Variants in STARD13 observed in about 807,000 individuals in gnomAD.
STARD13 encodes the protein stAR-related lipid transfer protein 13.
STARD13 carries 62 observed loss-of-function variants against 106.4 expected under a neutral mutation model. The observed-to-expected ratio is 0.58, with a 90% CI of 0.48 to 0.72. The LOEUF is 0.72. Among genes scored for constraint, STARD13 ranks in the 30% least tolerant of loss-of-function variants. STARD13 has a pLI of 0.00. For missense variants in STARD13, 1,387 were observed against 1,424.0 expected, an observed-to-expected ratio of 0.97 and a Z score of 0.42; for synonymous variants, 565 against 553.0, an observed-to-expected ratio of 1.02 and a Z score of -0.31.
chr13:33,634,152 A>G, the STARD13 span, among the ~76,000 whole-genome samples: 1 of 152,206 alleles, frequency 6.6e-6, no homozygotes, highest in Non-Finnish European at 1.5e-5. Context: ...CTCATAACAG[A>G]AAGGAAGATT....
intron 1 of STARD13, among the ~76,000 whole-genome samples, chr13:33,177,218 A>AT (rs1254185547): frequency 1.3e-5 from 2 of 152,232 alleles, no homozygotes; most frequent in South Asian, 2.1e-4. Context: ...GAATTCAGGT[A>AT]TAAAAAGATC....
At chr13:33,439,857 C>G in the STARD13 span, 4 of 385,890 alleles carry the variant, frequency 1.0e-5, no homozygotes, top group East Asian at 3.0e-4. Flanking sequence ...AAAATGCCAA[C>G]TGAGGCATGA....
At chr13:33,368,806 A>G in the STARD13 span, among the ~76,000 whole-genome samples, 13 of 152,114 alleles carry the variant, frequency 8.5e-5, 1 homozygote, top group Admixed American at 3.3e-4. Flanking sequence ...CCGGCCCACC[A>G]TTTGGTGTGT....
At chr13:33,562,742 A>G in the STARD13 span, among the ~76,000 whole-genome samples, 2 of 146,600 alleles carry the variant, frequency 1.4e-5, 1 homozygote, top group Non-Finnish European at 3.0e-5. Context: ...GATTAAAAAC[A>G]TTTTTACAAA....
At chr13:33,524,602 T>A in the STARD13 span, among the ~76,000 whole-genome samples, 1 of 152,024 alleles carries the variant, frequency 6.6e-6, no homozygotes, top group African/African-American at 2.4e-5. Flanking sequence ...ATAATGTAAG[T>A]TTATAAACTA....
At chr13:33,111,713 A>G (rs1268980061) in intron 10 of STARD13, 65 bp downstream of exon 10, 4 of 959,472 alleles carry the variant, frequency 4.2e-6, no homozygotes, top group African/African-American at 1.6e-5. Flanking sequence ...TGTAGCAACA[A>G]TCCCAAGCGT....
intron 1 of STARD13, among the ~76,000 whole-genome samples, chr13:33,227,018 G>A (rs945543035): frequency 2.0e-5 from 3 of 152,020 alleles, no homozygotes; most frequent in African/African-American, 7.2e-5. Flanking sequence ...ACCAGATTAA[G>A]AACCTCTGCC....
the STARD13 span, among the ~76,000 whole-genome samples, chr13:33,404,105 G>T: frequency 1.3e-5 from 2 of 152,166 alleles, no homozygotes; most frequent in African/African-American, 4.8e-5. Flanking sequence ...TTGGTTTTGC[G>T]TAGCTGAAAT....
the STARD13 span, among the ~76,000 whole-genome samples, chr13:33,628,979 T>C: frequency 4.6e-5 from 7 of 152,236 alleles, no homozygotes; most frequent in African/African-American, 1.7e-4. Context: ...GTTATGTGAT[T>C]ACGATTACTG....
intron 3 of STARD13, among the ~76,000 whole-genome samples, chr13:33,146,302 T>A (rs1330735784): frequency 6.6e-6 from 1 of 151,348 alleles, no homozygotes; most frequent in Non-Finnish European, 1.5e-5. Context: ...CCAGCCTGGG[T>A]GACAGAGTGA....
chr13:33,503,429 G>T, the STARD13 span, among the ~76,000 whole-genome samples: 2 of 152,082 alleles, frequency 1.3e-5, no homozygotes, highest in Non-Finnish European at 2.9e-5. Context: ...GCTAGCTTTT[G>T]AATGTGTTTA....
chr13:33,307,724 G>A (rs150202946), intron 1 of STARD13, among the ~76,000 whole-genome samples: 171 of 152,162 alleles, frequency 1.1e-3, no homozygotes, highest in Non-Finnish European at 1.3e-3. Context: ...TAATACCTAG[G>A]TGATGGGTTC....
At chr13:33,200,918 C>T (rs894336297) in intron 1 of STARD13, among the ~76,000 whole-genome samples, 3 of 151,776 alleles carry the variant, frequency 2.0e-5, no homozygotes, top group African/African-American at 4.8e-5. Context: ...CCCAGCTACT[C>T]GGGAGGCTGA....
chr13:33,438,264 G>A, the STARD13 span, among the ~76,000 whole-genome samples: 2,022 of 152,306 alleles, frequency 0.013, 46 homozygotes, highest in African/African-American at 0.046. Flanking sequence ...GCTCATTAGT[G>A]TAAATCCCTT....
chr13:33,395,453 G>A, the STARD13 span, among the ~76,000 whole-genome samples: 10 of 152,016 alleles, frequency 6.6e-5, no homozygotes, highest in South Asian at 2.1e-4. Flanking sequence ...AAACGCAAGC[G>A]TTTAAATGAT....
chr13:33,520,803 A>G, the STARD13 span, among the ~76,000 whole-genome samples: 1 of 152,094 alleles, frequency 6.6e-6, no homozygotes. Context: ...GAGATCCCCC[A>G]TGCCCCCACC....
intron 4 of STARD13, among the ~76,000 whole-genome samples, chr13:33,141,636 C>G (rs1879844793): frequency 6.6e-6 from 1 of 151,954 alleles, no homozygotes; most frequent in African/African-American, 2.4e-5. Flanking sequence ...GTCCCTGGGC[C>G]CCCTCATACA....
chr13:33,639,848 A>C, the STARD13 span, among the ~76,000 whole-genome samples: 6 of 152,334 alleles, frequency 3.9e-5, no homozygotes, highest in South Asian at 1.2e-3. Context: ...TCACATGGCC[A>C]CATGGAGTCT....
At chr13:33,179,838 A>G (rs1885055519) in intron 1 of STARD13, among the ~76,000 whole-genome samples, 1 of 152,234 alleles carries the variant, frequency 6.6e-6, no homozygotes, top group Admixed American at 6.5e-5. Context: ...GGTGAGATTC[A>G]GAAGAAGGCA....
Sources: allele counts gnomAD v4.1 joint callset (sites outside exome capture counted in the v4.1 genomes callset), GRCh38; gene constraint gnomAD v4.1.1; transcripts MANE v1.5; gene names NCBI Gene and HGNC (gene_info 2026-07-23, HGNC 2026-07-21).